Variants in CDK5RAP2 observed in about 807,000 individuals in gnomAD.
CDK5RAP2 encodes the protein CDK5 regulatory subunit associated protein 2.
CDK5RAP2 carries 147 observed loss-of-function variants against 232.9 expected under a neutral mutation model. The ratio of observed to expected loss-of-function variants is 0.63; its 90% CI spans 0.55 to 0.72. The LOEUF (loss-of-function observed/expected upper bound fraction) is 0.72, where lower values mean the gene tolerates loss of function less well. CDK5RAP2 is among the 30% of genes least tolerant of loss of function. The probability of loss-of-function intolerance (pLI) is 0.00; values close to 1 mark genes in which losing one functional copy is unlikely to be tolerated. For missense variants in CDK5RAP2, 2,195 were observed against 2,231.5 expected, an observed-to-expected ratio of 0.98 and a Z score of 0.33; for synonymous variants, 833 against 833.7, an observed-to-expected ratio of 1.00 and a Z score of 0.01.
At chr9:120,450,428 A>C (rs2036421291) in intron 21 of CDK5RAP2, among the ~76,000 whole-genome samples, 1 of 152,200 alleles carries the variant, frequency 6.6e-6, no homozygotes, top group Admixed American at 6.5e-5. Flanking sequence ...AAATGTTTAA[A>C]ATTGTTGTCC....
chr9:120,428,283 C>A (rs9695909), intron 25 of CDK5RAP2, among the ~76,000 whole-genome samples: 14,197 of 151,434 alleles, frequency 0.094, 1,425 homozygotes, highest in African/African-American at 0.25. Context: ...AAATAGAGAC[C>A]AAAAAAACCC....
intron 20 of CDK5RAP2, among the ~76,000 whole-genome samples, chr9:120,458,185 T>C (rs1302367014): frequency 6.6e-6 from 1 of 152,218 alleles, no homozygotes; most frequent in African/African-American, 2.4e-5. Context: ...CAGTCCTTTC[T>C]GGGGGCTCCC....
In CDK5RAP2 at chr9:120,518,348, A is replaced by G. The variant is rs376022924; in HGVS notation, c.1311+79T>C. 75 of 1,144,788 alleles carry G rather than the reference A, an allele frequency of 6.6e-5. 1 individual carries two copies. The South Asian group carries it at 8.5e-4, about 13-fold the overall frequency. The allele number at this position is 1,144,788 out of a possible 1,614,324, so 70.9% of individuals were successfully genotyped here. A position where few individuals can be genotyped will look rare whatever the true frequency, so the allele number is the denominator to read the frequency against. Reference sequence around the variant, plus strand: ...TATTTTCTTAAGTCTTCTGTACTGAATATCACCCTACAACCAGACACAGCC... The same window carrying G: ...TATTTTCTTAAGTCTTCTGTACTGAGTATCACCCTACAACCAGACACAGCC... On this transcript the variant is annotated intron_variant, in intron 12 of 37. Coordinates refer to ENST00000349780, the MANE Select transcript of CDK5RAP2 (RefSeq NM_018249.6).
At chr9:120,528,884 C>T in intron 8 of CDK5RAP2, 87 bp from the exon 9 acceptor site, 2 of 897,336 alleles carry the variant, frequency 2.2e-6, no homozygotes, top group Non-Finnish European at 3.8e-6. Context: ...GTCCTTGTCG[C>T]TTACTCACCT....
At chr9:120,533,163 A>G (rs1295133426) in intron 7 of CDK5RAP2, among the ~76,000 whole-genome samples, 1 of 152,102 alleles carries the variant, frequency 6.6e-6, no homozygotes, top group Non-Finnish European at 1.5e-5. Context: ...CTATCACGGC[A>G]TCAATCACGA....
chr9:120,480,713 G>A (rs2038256165), intron 14 of CDK5RAP2, among the ~76,000 whole-genome samples: 1 of 152,112 alleles, frequency 6.6e-6, no homozygotes, highest in Non-Finnish European at 1.5e-5. Context: ...GGATGCAGAG[G>A]GCAAGAAAGG....
chr9:120,444,329 G>A (rs1354330167), intron 22 of CDK5RAP2, among the ~76,000 whole-genome samples: 3 of 152,222 alleles, frequency 2.0e-5, no homozygotes, highest in Admixed American at 1.3e-4. Context: ...GTTGAGCTGA[G>A]TTACCTTTGC....
intron 11 of CDK5RAP2, among the ~76,000 whole-genome samples, chr9:120,523,049 G>T (rs765252861): frequency 6.6e-6 from 1 of 152,108 alleles, no homozygotes; most frequent in Non-Finnish European, 1.5e-5. Flanking sequence ...CTACCTCCTC[G>T]GGCAAGGATT....
intron 20 of CDK5RAP2, among the ~76,000 whole-genome samples, chr9:120,456,081 A>G (rs1037599813): frequency 6.6e-6 from 1 of 152,214 alleles, no homozygotes; most frequent in African/African-American, 2.4e-5. Flanking sequence ...TAAAAAATAA[A>G]GGGAAAAAAA....
chr9:120,568,409 G>C (rs1403280690), intron 2 of CDK5RAP2, 21 bp from the exon 3 acceptor site: 4 of 1,579,516 alleles, frequency 2.5e-6, no homozygotes, highest in Non-Finnish European at 3.5e-6. Flanking sequence ...GTAAAATAGA[G>C]GAAAACGTCA....
chr9:120,411,300 T>C, intron 29 of CDK5RAP2, 58 bp downstream of exon 29: 2 of 1,055,042 alleles, frequency 1.9e-6, no homozygotes, highest in East Asian at 2.4e-5. Flanking sequence ...CCTGCATTCT[T>C]TCCATGACAC....
chr9:120,413,652 T>C lies in CDK5RAP2; in HGVS notation c.4297+1388A>G, dbSNP rs143687988. Among the ~76,000 whole-genome samples the C allele has an allele frequency of 1.5e-4, 23 of 152,296 alleles. No individual in the cohort carries two copies. In the South Asian group the frequency reaches 2.7e-3, roughly 18 times the overall value. Reference sequence around the variant, plus strand: ...CTATAATTGGATTTGCCAGGGAAAATGTAAAACAGAATGAATCTAATTCAG... The same window carrying C: ...CTATAATTGGATTTGCCAGGGAAAACGTAAAACAGAATGAATCTAATTCAG... On this transcript the variant is annotated intron_variant, in intron 28 of 37. Coordinates refer to ENST00000349780, the MANE Select transcript of CDK5RAP2 (RefSeq NM_018249.6).
chr9:120,412,819 CA>C (rs1352277287), intron 28 of CDK5RAP2, among the ~76,000 whole-genome samples: 1 of 152,224 alleles, frequency 6.6e-6, no homozygotes, highest in Non-Finnish European at 1.5e-5. Context: ...TTCCACTCTA[CA>C]GCACTACCTT....
At chr9:120,423,404 G>A (rs2034688867) in intron 25 of CDK5RAP2, among the ~76,000 whole-genome samples, 1 of 152,096 alleles carries the variant, frequency 6.6e-6, no homozygotes, top group Admixed American at 6.5e-5. Context: ...TTTAGGAAGG[G>A]TCTCAGAAGC....
rs574430160 is a variant in CDK5RAP2, at chr9:120,517,180, G to A, written c.1311+1247C>T. On this transcript the variant is annotated intron_variant, in intron 12 of 37. Coordinates refer to ENST00000349780, the MANE Select transcript of CDK5RAP2 (RefSeq NM_018249.6). ...ACGATAGTACAGAAAATCAGTAAGA[G>A]TTACTTTGCTAGGGTAGTGGAATTA... 3.2e-4 allele frequency among the ~76,000 whole-genome samples: 48 copies of A among 152,294 alleles called. 1 individual carries two copies. The South Asian group carries it at 9.7e-3, about 31-fold the overall frequency.
intron 21 of CDK5RAP2, among the ~76,000 whole-genome samples, chr9:120,451,881 T>C (rs902452309): frequency 1.4e-5 from 2 of 147,982 alleles, no homozygotes; most frequent in African/African-American, 2.5e-5. Context: ...ATATATAATA[T>C]ATATACAGAC....
intron 26 of CDK5RAP2, 140 bp downstream of exon 26, chr9:120,422,553 G>A: frequency 1.4e-6 from 1 of 706,310 alleles, no homozygotes; most frequent in Non-Finnish European, 2.6e-6. Context: ...GCCATTGTCA[G>A]TTCCATAGAT....
Position 120,408,594 on chromosome 9 carries a change from T to C in CDK5RAP2, c.4605-126A>G, listed in dbSNP as rs925443317. The C allele has an allele frequency of 6.9e-6, 7 of 1,019,738 alleles. No individual in the cohort carries two copies. In the East Asian group the frequency reaches 1.2e-4, roughly 18 times the overall value. 63.2% of individuals were successfully genotyped at this position (1,019,738 alleles called of 1,614,324 possible). A position where few individuals can be genotyped will look rare whatever the true frequency, so the allele number is the denominator to read the frequency against. ...AGTGTGGACCAAGAAGTGACAAGCA[T>C]GGTTAAGAATTCCATGTGCTCTCTA... On this transcript the variant is annotated intron_variant, in intron 30 of 37. Transcript: ENST00000349780.
At chr9:120,559,295 G>A (rs770379448) in intron 3 of CDK5RAP2, among the ~76,000 whole-genome samples, 18 of 151,878 alleles carry the variant, frequency 1.2e-4, no homozygotes, top group Non-Finnish European at 2.2e-4. Flanking sequence ...GAGACCATCT[G>A]GCTAACACGA....
Sources: allele counts gnomAD v4.1 joint callset (sites outside exome capture counted in the v4.1 genomes callset), GRCh38; gene constraint gnomAD v4.1.1; transcripts MANE v1.5; gene names NCBI Gene and HGNC (gene_info 2026-07-23, HGNC 2026-07-21).